MDGA2: variants seen among roughly 807,000 people sequenced by gnomAD.
MDGA2 encodes the protein MAM domain containing glycosylphosphatidylinositol anchor 2.
Under a neutral mutation model 117.8 loss-of-function variants are expected in MDGA2, and 40 were observed. That is an observed-to-expected ratio of 0.34 (90% confidence interval 0.26 to 0.44). MDGA2 has a LOEUF of 0.44. Among genes scored for constraint, MDGA2 ranks in the 20% least tolerant of loss-of-function variants. MDGA2 has a pLI of 1.00. For missense variants in MDGA2, 1,123 were observed against 1,250.6 expected (o/e 0.90, Z 1.54); for synonymous variants, 452 against 439.0 (o/e 1.03, Z -0.37).
intron 15 of MDGA2, among the ~76,000 whole-genome samples, chr14:46,853,799 C>T (rs1370818713): frequency 1.3e-5 from 2 of 151,596 alleles, no homozygotes; most frequent in Admixed American, 6.6e-5. Flanking sequence ...AAAAAAATTG[C>T]TTTTTAATGA....
In MDGA2 at chr14:47,593,161, C is replaced by A. The variant is rs1344179851; in HGVS notation, c.280+81356G>T. Among the ~76,000 whole-genome samples the A allele has an allele frequency of 2.0e-5, 3 of 152,130 alleles. No individual in the cohort carries two copies. The East Asian group carries it at 5.8e-4, about 29-fold the overall frequency. On this transcript the variant is annotated intron_variant, in intron 1 of 16. Transcript: ENST00000399232. Reference sequence around the variant, plus strand: ...AACGTCGCTAATTATTTGAGAAATGCAAATCAGAACCTCAGTGAGATACCA... The same window carrying A: ...AACGTCGCTAATTATTTGAGAAATGAAAATCAGAACCTCAGTGAGATACCA...
intron 1 of MDGA2, among the ~76,000 whole-genome samples, chr14:47,450,051 A>T (rs1420812512): frequency 6.6e-6 from 1 of 152,084 alleles, no homozygotes; most frequent in Non-Finnish European, 1.5e-5. Context: ...TTTTCTATAT[A>T]TATATAGTGC....
intron 1 of MDGA2, among the ~76,000 whole-genome samples, chr14:47,575,776 G>A (rs1896105404): frequency 6.6e-6 from 1 of 152,084 alleles, no homozygotes; most frequent in Non-Finnish European, 1.5e-5. Context: ...GTCCCTCACA[G>A]AATCAACTTT....
chr14:47,098,917 GC>G (rs970438964), intron 5 of MDGA2, among the ~76,000 whole-genome samples: 1 of 151,850 alleles, frequency 6.6e-6, no homozygotes, highest in African/African-American at 2.4e-5. Flanking sequence ...ATTATTTAAT[GC>G]AAAAAAGCTT....
chr14:46,944,132 C>T lies in MDGA2; in HGVS notation c.2089+13242G>A, dbSNP rs368058136. ...CCTTTCCCTTAAGTATAAAGATCAC[C>T]GTTTAGCATATTTTTGTACTGCAGT... is the stretch of plus-strand genomic sequence containing the variant. On this transcript the variant is annotated intron_variant, in intron 9 of 16. Coordinates refer to ENST00000399232, the MANE Select transcript of MDGA2 (RefSeq NM_001113498.3). 5.7e-4 allele frequency among the ~76,000 whole-genome samples: 86 copies of T among 151,974 alleles called. No individual in the cohort carries two copies. In the East Asian group the frequency reaches 0.015, roughly 27 times the overall value.
chr14:47,056,603 T>G (rs1246005165), intron 7 of MDGA2, among the ~76,000 whole-genome samples: 1 of 152,162 alleles, frequency 6.6e-6, no homozygotes, highest in Non-Finnish European at 1.5e-5. Context: ...GTTTAGGTTT[T>G]CGAGGCATGA....
intron 7 of MDGA2, among the ~76,000 whole-genome samples, chr14:47,059,735 G>A (rs1157642338): frequency 1.3e-5 from 2 of 151,884 alleles, no homozygotes; most frequent in African/African-American, 4.8e-5. Context: ...TTGTGTCACT[G>A]GTTCTGTAAA....
chr14:47,433,670 C>T (rs961296981), intron 1 of MDGA2, among the ~76,000 whole-genome samples: 4 of 152,108 alleles, frequency 2.6e-5, no homozygotes, highest in African/African-American at 9.7e-5. Context: ...CTGATGCCGC[C>T]ATTTACATTG....
intron 9 of MDGA2, among the ~76,000 whole-genome samples, chr14:46,929,838 C>T (rs1489184268): frequency 1.3e-5 from 2 of 149,170 alleles, no homozygotes; most frequent in Admixed American, 6.7e-5. Flanking sequence ...GTTTTTGCCA[C>T]GTTGGCCAGG....
At chr14:46,930,774 T>C (rs1363575205) in intron 9 of MDGA2, among the ~76,000 whole-genome samples, 15 of 152,202 alleles carry the variant, frequency 9.9e-5, no homozygotes, top group Admixed American at 9.8e-4. Flanking sequence ...TTATCACCCT[T>C]TCAATAGTTA....
intron 1 of MDGA2, among the ~76,000 whole-genome samples, chr14:47,343,677 T>C (rs1890698008): frequency 6.6e-6 from 1 of 152,172 alleles, no homozygotes; most frequent in African/African-American, 2.4e-5. Context: ...AAGTTATTTA[T>C]CTCCTTAAAA....
At chr14:47,360,614 A>G (rs1891099875) in intron 1 of MDGA2, among the ~76,000 whole-genome samples, 1 of 152,168 alleles carries the variant, frequency 6.6e-6, no homozygotes, top group Non-Finnish European at 1.5e-5. Flanking sequence ...ACCTTTGTAT[A>G]CTGTTGGTGG....
intron 4 of MDGA2, among the ~76,000 whole-genome samples, chr14:47,141,927 C>A (rs973086460): frequency 6.6e-6 from 1 of 151,928 alleles, no homozygotes; most frequent in Non-Finnish European, 1.5e-5. Flanking sequence ...TGCTAAATAC[C>A]CTGATTTGAT....
At chr14:47,101,560 A>C (rs1270622817) in intron 5 of MDGA2, among the ~76,000 whole-genome samples, 2 of 152,190 alleles carry the variant, frequency 1.3e-5, no homozygotes, top group Admixed American at 6.5e-5. Flanking sequence ...TAGTCATCTC[A>C]TGGAAAATAC....
intron 1 of MDGA2, among the ~76,000 whole-genome samples, chr14:47,645,985 C>T (rs1417010860): frequency 6.7e-6 from 1 of 148,622 alleles, no homozygotes; most frequent in African/African-American, 2.5e-5. Flanking sequence ...GAGGCTGAGG[C>T]AGGAGAATGG....
chr14:47,089,049 T>G (rs1891012915), intron 6 of MDGA2, among the ~76,000 whole-genome samples: 1 of 152,136 alleles, frequency 6.6e-6, no homozygotes, highest in Non-Finnish European at 1.5e-5. Context: ...AAGAAAACAA[T>G]GTTACTAAGA....
At chr14:47,627,708 A>G (rs1350666058) in intron 1 of MDGA2, among the ~76,000 whole-genome samples, 2 of 152,184 alleles carry the variant, frequency 1.3e-5, no homozygotes, top group African/African-American at 4.8e-5. Flanking sequence ...AGTCTGCCCC[A>G]GCCAGCAGTG....
chr14:47,136,366 T>G (rs550155080), intron 4 of MDGA2, among the ~76,000 whole-genome samples: 1 of 152,064 alleles, frequency 6.6e-6, no homozygotes, highest in South Asian at 2.1e-4. Context: ...TGGGATAATT[T>G]TTATATTTTT....
chr14:47,492,624 A>C (rs1420936938), intron 1 of MDGA2, among the ~76,000 whole-genome samples: 1 of 152,144 alleles, frequency 6.6e-6, no homozygotes, highest in Non-Finnish European at 1.5e-5. Context: ...TTTCATCACC[A>C]TAGACAAGTT....
Sources: gnomAD v4.1 joint callset for allele counts (sites outside exome capture counted in the v4.1 genomes callset) on GRCh38, gnomAD v4.1.1 for gene constraint, MANE v1.5 for transcripts, NCBI Gene and HGNC (gene_info 2026-07-23, HGNC 2026-07-21) for gene names.